TOP2B: variants seen among roughly 807,000 people sequenced by gnomAD.
TOP2B encodes DNA topoisomerase II beta.
TOP2B carries 51 observed loss-of-function variants against 193.5 expected under a neutral mutation model. The observed-to-expected ratio is 0.26, with a 90% CI of 0.21 to 0.33. The LOEUF is 0.33. Among genes scored for constraint, TOP2B ranks in the 10% least tolerant of loss-of-function variants. The pLI is 1.00. For synonymous variants in TOP2B, 634 were observed against 635.7 expected (o/e 1.00, Z 0.04); for missense variants, 1,378 against 1,909.3 (o/e 0.72, Z 5.19).
chr3:25,658,090 T>C (rs1414228379), intron 1 of TOP2B, among the ~76,000 whole-genome samples: 1 of 142,162 alleles, frequency 7.0e-6, no homozygotes, highest in African/African-American at 2.6e-5. Context: ...TAGCTGGGCA[T>C]GGTGGCGGGC....
chr3:25,617,358 G>A (rs1251487011), intron 25 of TOP2B, among the ~76,000 whole-genome samples: 1 of 152,080 alleles, frequency 6.6e-6, no homozygotes, highest in African/African-American at 2.4e-5. Context: ...AACTCTGAAT[G>A]CGCCCATCTT....
rs1267757279 is a variant in TOP2B at position 25,664,562 on chromosome 3, G to A, written c.-265C>T. 1 of 1,079,314 alleles carries A rather than the reference G, an allele frequency of 9.3e-7. No homozygotes were observed. Among genetic ancestry groups the A allele is most frequent in the Non-Finnish European group, 1.1e-6 (1 of 891,726 alleles). 66.9% of individuals were successfully genotyped at this position (1,079,314 alleles called of 1,614,324 possible). A position where few individuals can be genotyped will look rare whatever the true frequency, so the allele number is the denominator to read the frequency against. Reference sequence around the variant, plus strand: ...GGCGGCTGAGGAGAAAGCAGGGAGCGACCGGCGGCGGCCGAGCGGCGGCGT... The same window carrying A: ...GGCGGCTGAGGAGAAAGCAGGGAGCAACCGGCGGCGGCCGAGCGGCGGCGT... On this transcript the variant is annotated 5_prime_UTR_variant, in exon 1 of 36. Transcript: ENST00000264331.
chr3:25,633,650 C>G (rs1703022806), intron 8 of TOP2B, among the ~76,000 whole-genome samples, 191 bp downstream of exon 8: 1 of 152,092 alleles, frequency 6.6e-6, no homozygotes, highest in Non-Finnish European at 1.5e-5. Flanking sequence ...ATTTATTTCT[C>G]AATAATTGTT....
intron 33 of TOP2B, among the ~76,000 whole-genome samples, chr3:25,602,222 C>A (rs1029783011): frequency 1.3e-5 from 2 of 151,714 alleles, no homozygotes; most frequent in Non-Finnish European, 2.9e-5. Flanking sequence ...ATGGTGAAAC[C>A]CCATCTCTAC....
rs1342399507 is a variant in TOP2B, at chr3:25,646,812, G to C, written c.70-1342C>G. Among the ~76,000 whole-genome samples, 11 of 152,032 alleles carry C rather than the reference G, an allele frequency of 7.2e-5. No homozygotes were observed. The East Asian group carries it at 2.1e-3, about 29-fold the overall frequency. Reference sequence around the variant, plus strand: ...AATCAAAATACATGACCTCTGAAAAGTCTAAACGAAGATAAGAATTTAATA... The same window carrying C: ...AATCAAAATACATGACCTCTGAAAACTCTAAACGAAGATAAGAATTTAATA... On this transcript the variant is annotated intron_variant, in intron 1 of 35. Transcript: ENST00000264331.
intron 1 of TOP2B, 114 bp downstream of exon 1, chr3:25,664,115 C>T: frequency 6.8e-7 from 1 of 1,472,366 alleles, no homozygotes; most frequent in South Asian, 1.2e-5. Context: ...CTATGGAGCG[C>T]CCGTTCGGGG....
intron 33 of TOP2B, among the ~76,000 whole-genome samples, chr3:25,602,396 CAA>C (rs368021384): frequency 2.2e-4 from 9 of 41,434 alleles, no homozygotes; most frequent in Admixed American, 1.2e-3. Flanking sequence ...GACTCTGTCT[CAA>C]AAAAAAAAAA....
chr3:25,663,052 T>C (rs1238768094), intron 1 of TOP2B, among the ~76,000 whole-genome samples: 3 of 152,226 alleles, frequency 2.0e-5, no homozygotes, highest in Non-Finnish European at 4.4e-5. Flanking sequence ...TTCTACATAA[T>C]CGGAGTAATA....
chr3:25,664,100 G>A, intron 1 of TOP2B, 129 bp downstream of exon 1: 1 of 1,345,156 alleles, frequency 7.4e-7, no homozygotes, highest in Non-Finnish European at 1.0e-6. Flanking sequence ...TGCAAGCACA[G>A]GCCCCTATGG....
At chr3:25,618,579 A>G in intron 24 of TOP2B, 70 bp from the exon 25 acceptor site, 1 of 1,531,220 alleles carries the variant, frequency 6.5e-7, no homozygotes, top group Non-Finnish European at 8.8e-7. Flanking sequence ...TATTCTACTG[A>G]TAAAAATGTC....
chr3:25,610,177 C>CT (rs778925030), intron 28 of TOP2B, among the ~76,000 whole-genome samples: 1 of 150,044 alleles, frequency 6.7e-6, no homozygotes, highest in East Asian at 1.9e-4. Flanking sequence ...AAGCGAAACT[C>CT]TGTCTCAAAA....
In TOP2B at chr3:25,630,104, T is replaced by C. The variant is rs1702913978; in HGVS notation, c.1614A>G (p.Gln538=). ...INNIIKIVGL[Q]YKKSYDDAES... is the part of the protein sequence containing the mutation. ...CTGCATCATCGTAACTTTTCTTATATTGTAGACCAACTATTTTAATAATAT... is the reference window on the plus strand; with the variant it reads ...CTGCATCATCGTAACTTTTCTTATACTGTAGACCAACTATTTTAATAATAT... The change falls in exon 13 of 36, where the codon CAA becomes CAG. Residue 538 remains glutamine, a synonymous_variant. Transcript: ENST00000264331. The C allele has an allele frequency of 6.3e-7, 1 of 1,599,598 alleles. No individual in the cohort carries two copies. Among genetic ancestry groups the C allele is most frequent in the Middle Eastern group, 1.7e-4 (1 of 5,980 alleles).
At chr3:25,656,460 TAAAA>T (rs1236257501) in intron 1 of TOP2B, among the ~76,000 whole-genome samples, 3 of 152,052 alleles carry the variant, frequency 2.0e-5, no homozygotes, top group Admixed American at 2.0e-4. Context: ...AATAAATAGA[TAAAA>T]AACAAACAAA....
chr3:25,654,996 G>A (rs1703704377), intron 1 of TOP2B, among the ~76,000 whole-genome samples: 1 of 152,148 alleles, frequency 6.6e-6, no homozygotes, highest in African/African-American at 2.4e-5. Context: ...ACTGGATTTG[G>A]CAATGATTTC....
At chr3:25,654,085 T>C (rs934054022) in intron 1 of TOP2B, among the ~76,000 whole-genome samples, 3 of 152,048 alleles carry the variant, frequency 2.0e-5, no homozygotes, top group Non-Finnish European at 4.4e-5. Context: ...ATATTCAAGA[T>C]AGTATTAGAA....
intron 11 of TOP2B, 110 bp downstream of exon 11, chr3:25,630,691 T>TAAA: frequency 9.0e-7 from 1 of 1,106,750 alleles, no homozygotes; most frequent in Non-Finnish European, 1.2e-6. Flanking sequence ...AGTAAAATCA[T>TAAA]ACTCTGAATG....
Position 25,626,656 on chromosome 3 carries a change from C to T in TOP2B, c.2128G>A (p.Ala710Thr). The change falls in exon 18 of 36, where the codon GCA (alanine) becomes ACA (threonine). Residue 710 changes from alanine to threonine, a missense_variant. By Grantham distance (58) the Ala-to-Thr change is moderately conservative (BLOSUM62 0). Coordinates refer to ENST00000264331, the MANE Select transcript of TOP2B (RefSeq NM_001330700.2). ...TCATTATAAGTCAAATGCTTTGTTG[C>T]AGTACCATATAAAAATTGCTAAGAG... is the stretch of plus-strand genomic sequence containing the variant. The part of the protein sequence containing the change: ...GLPEQFLYGT[A>T]TKHLTYNDFI... The T allele has an allele frequency of 6.5e-7, 1 of 1,535,146 alleles. No homozygotes were observed. The highest frequency in any genetic ancestry group is 1.3e-5 in the South Asian group (1 of 79,628).
At chr3:25,603,812 A>G (rs1702170416) in intron 33 of TOP2B, among the ~76,000 whole-genome samples, 1 of 152,222 alleles carries the variant, frequency 6.6e-6, no homozygotes, top group African/African-American at 2.4e-5. Flanking sequence ...CTCACATGAG[A>G]GGCAAGGACA....
chr3:25,626,482 C>T, intron 18 of TOP2B, 78 bp downstream of exon 18: 2 of 784,608 alleles, frequency 2.5e-6, no homozygotes, highest in Non-Finnish European at 3.9e-6. Flanking sequence ...TAATATGTAT[C>T]ATAAGGATGG....
Sources: gnomAD v4.1 joint callset for allele counts (sites outside exome capture counted in the v4.1 genomes callset) on GRCh38, gnomAD v4.1.1 for gene constraint, MANE v1.5 for transcripts, NCBI Gene and HGNC (gene_info 2026-07-23, HGNC 2026-07-21) for gene names.